Variants in THSD7B observed in about 807,000 individuals in gnomAD.
THSD7B encodes the protein thrombospondin type-1 domain-containing protein 7B.
In THSD7B, 138 loss-of-function variants were observed where a neutral mutation model predicts 213.6. That is an observed-to-expected ratio of 0.65 (90% confidence interval 0.56 to 0.74). THSD7B has a LOEUF of 0.74. Ranked by LOEUF, THSD7B falls within the 30% of genes least tolerant of loss-of-function variation. THSD7B has a pLI of 0.00. For synonymous variants in THSD7B, 742 were observed against 687.0 expected (o/e 1.08, Z -1.25); for missense variants, 1,931 against 1,991.5 (o/e 0.97, Z 0.58).
intron 1 of THSD7B, among the ~76,000 whole-genome samples, chr2:136,856,496 C>A (rs1683182379): frequency 1.3e-5 from 2 of 151,800 alleles, no homozygotes; most frequent in African/African-American, 4.8e-5. Flanking sequence ...AGACACAGAT[C>A]ACTCCATTAT....
chr2:137,312,149 G>A (rs925423463), intron 12 of THSD7B, among the ~76,000 whole-genome samples: 4 of 151,968 alleles, frequency 2.6e-5, no homozygotes, highest in Admixed American at 6.6e-5. Flanking sequence ...ACTCTTTTTT[G>A]TTGGTAAGCT....
chr2:137,229,203 G>A (rs140526300), intron 7 of THSD7B, among the ~76,000 whole-genome samples: 9 of 152,132 alleles, frequency 5.9e-5, no homozygotes, highest in African/African-American at 1.9e-4. Context: ...TTCCTCAAAA[G>A]GTTTATTGCA....
At chr2:136,962,403 C>T (rs1316531746) in intron 2 of THSD7B, among the ~76,000 whole-genome samples, 231 of 100,116 alleles carry the variant, frequency 2.3e-3, no homozygotes, top group Non-Finnish European at 3.0e-3. Flanking sequence ...AATCTGTTAT[C>T]TTTTTTTTTT....
At chr2:137,612,680 C>G (rs1682310397) in intron 17 of THSD7B, among the ~76,000 whole-genome samples, 1 of 152,126 alleles carries the variant, frequency 6.6e-6, no homozygotes, top group South Asian at 2.1e-4. Context: ...TTATATTTGA[C>G]TAGGAACCCT....
intron 15 of THSD7B, among the ~76,000 whole-genome samples, chr2:137,558,412 T>C (rs920419331): frequency 9.2e-5 from 14 of 152,122 alleles, no homozygotes; most frequent in Middle Eastern, 3.4e-3. Flanking sequence ...GTTCAACATA[T>C]GCAAATCAAT....
intron 5 of THSD7B, among the ~76,000 whole-genome samples, chr2:137,159,791 T>G (rs962684906): frequency 3.9e-5 from 6 of 152,194 alleles, no homozygotes; most frequent in African/African-American, 1.2e-4. Flanking sequence ...AAATTGGTTA[T>G]GCTAAACACT....
intron 5 of THSD7B, 52 bp from the exon 6 acceptor site, chr2:137,160,161 G>A: frequency 6.4e-7 from 1 of 1,568,178 alleles, no homozygotes; most frequent in Non-Finnish European, 8.7e-7. Context: ...CAGAAGCAAT[G>A]CTAAGGATGT....
intron 20 of THSD7B, among the ~76,000 whole-genome samples, chr2:137,641,423 G>T (rs190039222): frequency 1.3e-5 from 2 of 152,308 alleles, no homozygotes; most frequent in Non-Finnish European, 2.9e-5. Flanking sequence ...CCATTCTAAT[G>T]CATGCTTCCA....
chr2:136,984,263 C>T (rs1685634258), intron 2 of THSD7B, among the ~76,000 whole-genome samples: 1 of 152,180 alleles, frequency 6.6e-6, no homozygotes, highest in South Asian at 2.1e-4. Flanking sequence ...TGTTTGTCCT[C>T]TCCAAATCTC....
chr2:136,782,581 G>C (rs1395068207), intron 1 of THSD7B, among the ~76,000 whole-genome samples: 3 of 152,048 alleles, frequency 2.0e-5, no homozygotes, highest in Non-Finnish European at 4.4e-5. Flanking sequence ...TTATGCTCTA[G>C]AAGTAGAGAG....
chr2:137,081,407 T>C (rs750009770), intron 3 of THSD7B, among the ~76,000 whole-genome samples: 2 of 152,160 alleles, frequency 1.3e-5, no homozygotes, highest in East Asian at 1.9e-4. Context: ...ATCTGTATTT[T>C]TGGTACTTTC....
intron 12 of THSD7B, among the ~76,000 whole-genome samples, chr2:137,286,294 T>G (rs1683177219): frequency 6.6e-6 from 1 of 152,012 alleles, no homozygotes; most frequent in Admixed American, 6.6e-5. Flanking sequence ...GGAGAGAAGG[T>G]TAAAGATATT....
chr2:137,346,572 C>A (rs1327046341), intron 12 of THSD7B, among the ~76,000 whole-genome samples: 1 of 151,586 alleles, frequency 6.6e-6, no homozygotes, highest in African/African-American at 2.4e-5. Context: ...CAATTATTTT[C>A]TCAAATTATT....
chr2:137,651,727 G>C (rs1449278036), intron 21 of THSD7B, among the ~76,000 whole-genome samples: 1 of 151,834 alleles, frequency 6.6e-6, no homozygotes, highest in African/African-American at 2.4e-5. Flanking sequence ...TGCTTTTGCT[G>C]TATCTCATAG....
chr2:137,303,731 TATATATATTTA>T (rs1683670366), intron 12 of THSD7B, among the ~76,000 whole-genome samples: 1 of 112,318 alleles, frequency 8.9e-6, no homozygotes, highest in East Asian at 2.0e-4. Flanking sequence ...TATATATTTA[TATATATATTTA>T]TATATATATA....
intron 1 of THSD7B, among the ~76,000 whole-genome samples, chr2:136,878,483 G>A (rs1182047418): frequency 6.6e-6 from 1 of 152,148 alleles, no homozygotes; most frequent in Non-Finnish European, 1.5e-5. Context: ...GATCCTTGAG[G>A]AATTGCCACA....
chr2:136,835,498 AG>A (rs1682828780), intron 1 of THSD7B, among the ~76,000 whole-genome samples: 1 of 152,244 alleles, frequency 6.6e-6, no homozygotes, highest in African/African-American at 2.4e-5. Context: ...TTTAGTTGTG[AG>A]GAGGCTCTGA....
chr2:137,302,630 G>C (rs1031401180), intron 12 of THSD7B, among the ~76,000 whole-genome samples: 4 of 152,070 alleles, frequency 2.6e-5, no homozygotes, highest in Non-Finnish European at 5.9e-5. Context: ...GTAGCTGGTG[G>C]AGGGGAAGTG....
Position 137,147,419 on chromosome 2 carries a change from C to T in THSD7B, c.1370-12794C>T, listed in dbSNP as rs113101903. On this transcript the variant is annotated intron_variant, in intron 5 of 27. Transcript: ENST00000409968. The stretch of plus-strand genomic sequence containing the variant: ...TGATTTGCAAATTTAAAGTAGCATA[C>T]GCTAACAAGGACGTCAGTTACAATG... Among the ~76,000 whole-genome samples, 958 of 151,434 alleles carry T rather than the reference C, an allele frequency of 6.3e-3. 13 individuals are homozygous for T. The highest frequency in any genetic ancestry group is 0.02 in the African/African-American group (825 of 41,226).
Sources: gnomAD v4.1 joint callset for allele counts (sites outside exome capture counted in the v4.1 genomes callset) on GRCh38, gnomAD v4.1.1 for gene constraint, MANE v1.5 for transcripts, NCBI Gene and HGNC (gene_info 2026-07-23, HGNC 2026-07-21) for gene names.